SCMH1: variants seen among roughly 807,000 people sequenced by gnomAD.
SCMH1 encodes the protein polycomb protein SCMH1.
A neutral mutation model predicts 70.8 loss-of-function variants in SCMH1; 37 were observed. The ratio of observed to expected loss-of-function variants is 0.52; its 90% CI spans 0.40 to 0.69. The LOEUF (loss-of-function observed/expected upper bound fraction) is 0.69. SCMH1 is among the 30% of genes least tolerant of loss of function. SCMH1 has a pLI of 0.00. For missense variants in SCMH1, 607 were observed against 827.3 expected, an observed-to-expected ratio of 0.73 and a Z score of 3.27; for synonymous variants, 292 against 307.4, an observed-to-expected ratio of 0.95 and a Z score of 0.52.
intron 13 of SCMH1, among the ~76,000 whole-genome samples, chr1:41,033,064 G>A (rs1165043349): frequency 6.6e-6 from 1 of 152,000 alleles, no homozygotes; most frequent in East Asian, 1.9e-4. Flanking sequence ...GGCTGAGGCA[G>A]GCAGACTGCT....
At chr1:41,233,207 T>C (rs1451479851) in intron 1 of SCMH1, among the ~76,000 whole-genome samples, 1 of 152,208 alleles carries the variant, frequency 6.6e-6, no homozygotes. Flanking sequence ...GCCATATATA[T>C]ATAAGCCATA....
At chr1:41,028,851 G>T in intron 13 of SCMH1, 125 bp from the exon 15 acceptor site, 1 of 1,036,216 alleles carries the variant, frequency 9.7e-7, no homozygotes, top group East Asian at 2.6e-5. Context: ...GATGAGCTGA[G>T]GAACTGGAGA....
At chr1:41,119,715 A>G (rs1671452304) in intron 6 of SCMH1, among the ~76,000 whole-genome samples, 1 of 152,192 alleles carries the variant, frequency 6.6e-6, no homozygotes, top group South Asian at 2.1e-4. Flanking sequence ...TACATGGAGA[A>G]CAGACCTGAG....
intron 8 of SCMH1, among the ~76,000 whole-genome samples, chr1:41,075,959 A>G (rs1274275453): frequency 6.6e-6 from 1 of 152,218 alleles, no homozygotes; most frequent in Non-Finnish European, 1.5e-5. Context: ...TATTGCAGTG[A>G]GGAGTAGAGG....
chr1:41,068,799 T>C (rs1212073548), intron 10 of SCMH1, among the ~76,000 whole-genome samples: 1 of 152,078 alleles, frequency 6.6e-6, no homozygotes, highest in African/African-American at 2.4e-5. Context: ...TTAAGAGAAA[T>C]TTCCAAGAGA....
At position 41,169,932 on chromosome 1, in the gene SCMH1, T is replaced by C. The variant is rs139318880; in HGVS notation, c.14-8500A>G. ...AAGCTGTGAAAGCTGAGGGACTCAA[T>C]GTGTGGACAAACTCTTCCCAGGCTG... On this transcript the variant is annotated intron_variant, in intron 2 of 14. Transcript: ENST00000337495. Among the ~76,000 whole-genome samples, 938 of 152,296 alleles carry C rather than the reference T, an allele frequency of 6.2e-3. 14 individuals carry two copies. Among genetic ancestry groups the C allele is most frequent in the African/African-American group, 0.021 (888 of 41,568 alleles).
intron 1 of SCMH1, among the ~76,000 whole-genome samples, chr1:41,212,274 A>G (rs2148804124): frequency 6.6e-6 from 1 of 152,344 alleles, no homozygotes; most frequent in Non-Finnish European, 1.5e-5. Flanking sequence ...GTTGGGAGAC[A>G]CAATCATGAA....
intron 1 of SCMH1, 116 bp from the exon 2 acceptor site, chr1:41,186,366 C>T (rs937642044): frequency 2.8e-6 from 1 of 358,090 alleles, no homozygotes; most frequent in Non-Finnish European, 5.2e-6. Context: ...AATTTAGATA[C>T]AGATTTTTTG....
intron 1 of SCMH1, among the ~76,000 whole-genome samples, chr1:41,226,457 A>G (rs943210839): frequency 2.0e-5 from 3 of 152,198 alleles, no homozygotes; most frequent in Non-Finnish European, 4.4e-5. Flanking sequence ...ACTTTTGTAA[A>G]TGTTTAGCAT....
chr1:41,178,770 CCA>C (rs1237902558), intron 2 of SCMH1, among the ~76,000 whole-genome samples: 1 of 152,086 alleles, frequency 6.6e-6, no homozygotes, highest in Non-Finnish European at 1.5e-5. Context: ...ACTTAGACTC[CCA>C]CACAATAATA....
chr1:41,068,655 C>G (rs1571751249), intron 10 of SCMH1, among the ~76,000 whole-genome samples: 2 of 152,290 alleles, frequency 1.3e-5, no homozygotes, highest in East Asian at 3.9e-4. Context: ...ATCCGTCCGT[C>G]TTGGCCTCCT....
intron 1 of SCMH1, among the ~76,000 whole-genome samples, chr1:41,204,529 T>C (rs1469653672): frequency 5.9e-5 from 9 of 152,186 alleles, no homozygotes; most frequent in Admixed American, 3.3e-4. Context: ...GCTATACTGG[T>C]CTTCTCAGCT....
chr1:41,132,303 G>A (rs1017413978), intron 6 of SCMH1, among the ~76,000 whole-genome samples: 1 of 152,176 alleles, frequency 6.6e-6, no homozygotes, highest in African/African-American at 2.4e-5. Context: ...GACCAGTGAT[G>A]ATGAGCATTT....
chr1:41,195,686 T>C (rs1652861467), intron 1 of SCMH1, among the ~76,000 whole-genome samples: 1 of 152,172 alleles, frequency 6.6e-6, no homozygotes, highest in Non-Finnish European at 1.5e-5. Context: ...ACCATTTCTA[T>C]TAAACATAGT....
intron 6 of SCMH1, among the ~76,000 whole-genome samples, chr1:41,117,305 G>T (rs1455248683): frequency 6.6e-6 from 1 of 151,864 alleles, no homozygotes. Context: ...GGAGCTGAGG[G>T]GACATAGTGA....
chr1:41,235,485 C>T (rs778013284), intron 1 of SCMH1, among the ~76,000 whole-genome samples: 44 of 146,498 alleles, frequency 3.0e-4, no homozygotes, highest in Non-Finnish European at 8.9e-5. Context: ...GCAGGAGAAT[C>T]GCTTGAACCC....
At chr1:41,063,923 C>A (rs1653689417) in intron 10 of SCMH1, among the ~76,000 whole-genome samples, 1 of 152,156 alleles carries the variant, frequency 6.6e-6, no homozygotes, top group South Asian at 2.1e-4. Context: ...TCTTCAAAAT[C>A]TATTTTAGAA....
intron 1 of SCMH1, among the ~76,000 whole-genome samples, chr1:41,241,675 C>A (rs1002469212): frequency 1.3e-4 from 20 of 152,024 alleles, no homozygotes; most frequent in Non-Finnish European, 2.6e-4. Flanking sequence ...CCCGGCCCAC[C>A]CGGCCCCGCC....
intron 8 of SCMH1, among the ~76,000 whole-genome samples, chr1:41,076,978 G>A (rs1193674383): frequency 6.6e-6 from 1 of 152,162 alleles, no homozygotes; most frequent in East Asian, 1.9e-4. Context: ...TGAGAGGGAC[G>A]AGAGTAGAAT....
Sources: gnomAD v4.1 joint callset for allele counts (sites outside exome capture counted in the v4.1 genomes callset) on GRCh38, gnomAD v4.1.1 for gene constraint, MANE v1.5 for transcripts, NCBI Gene and HGNC (gene_info 2026-07-23, HGNC 2026-07-21) for gene names.